Variants in WDHD1 observed in about 807,000 individuals in gnomAD.
The protein encoded by WDHD1 is WD repeat and HMG-box DNA binding protein 1.
In WDHD1, 111 loss-of-function variants were observed where a neutral mutation model predicts 135.4. That is an observed-to-expected ratio of 0.82 (90% CI 0.70 to 0.96). WDHD1 has a LOEUF of 0.96. WDHD1 is among the 40% of genes least tolerant of loss of function. WDHD1 has a pLI of 0.00. For synonymous variants in WDHD1, 434 were observed against 439.0 expected (o/e 0.99, Z 0.14); for missense variants, 1,351 against 1,336.3 (o/e 1.01, Z -0.17).
intron 2 of WDHD1, among the ~76,000 whole-genome samples, chr14:55,015,520 G>C (rs1182066826): frequency 2.0e-5 from 3 of 151,216 alleles, no homozygotes; most frequent in African/African-American, 7.3e-5. Context: ...CTAGTGATAA[G>C]CTATCTCCCC....
chr14:54,963,847 C>T (rs147833131), intron 18 of WDHD1, among the ~76,000 whole-genome samples: 4,246 of 150,536 alleles, frequency 0.028, 74 homozygotes, highest in South Asian at 0.04. Context: ...TGTGCTGGCT[C>T]ACACCTGTAA....
chr14:54,987,014 T>C (rs2041704476), intron 14 of WDHD1, 132 bp downstream of exon 14: 2 of 1,073,612 alleles, frequency 1.9e-6, no homozygotes, highest in Admixed American at 5.4e-5. Flanking sequence ...ACAACAAAAT[T>C]ATCTACATTT....
chr14:54,973,554 T>C (rs976670286), intron 16 of WDHD1, among the ~76,000 whole-genome samples: 1 of 152,184 alleles, frequency 6.6e-6, no homozygotes, highest in African/African-American at 2.4e-5. Context: ...CAGTATGAGG[T>C]GGCAGTGTGA....
At chr14:55,018,731 C>A (rs539227688) in intron 2 of WDHD1, among the ~76,000 whole-genome samples, 1 of 152,174 alleles carries the variant, frequency 6.6e-6, no homozygotes, top group Non-Finnish European at 1.5e-5. Context: ...TGCCAAGTAC[C>A]TTAGAACCTA....
chr14:55,005,669 A>G (rs2042054349), intron 7 of WDHD1: 1 of 550,088 alleles, frequency 1.8e-6, no homozygotes, highest in South Asian at 1.6e-5. Context: ...CATTTGCAGG[A>G]CATAGAGGTT....
At chr14:55,009,943 C>T (rs1040643323) in intron 4 of WDHD1, among the ~76,000 whole-genome samples, 1 of 151,996 alleles carries the variant, frequency 6.6e-6, no homozygotes, top group African/African-American at 2.4e-5. Flanking sequence ...GCCTCAGCTT[C>T]CCGAGTAGCT....
chr14:54,969,413 A>AC (rs1208193128), intron 16 of WDHD1, among the ~76,000 whole-genome samples: 2 of 152,090 alleles, frequency 1.3e-5, no homozygotes, highest in African/African-American at 4.8e-5. Flanking sequence ...ACCAAAACTG[A>AC]CAAGTGGGAC....
chr14:54,952,343 C>T (rs1046831211), intron 24 of WDHD1, among the ~76,000 whole-genome samples: 2 of 152,124 alleles, frequency 1.3e-5, no homozygotes, highest in African/African-American at 4.8e-5. Context: ...TCTTATACAC[C>T]AATAACAGAC....
Position 54,984,828 on chromosome 14 carries a change from C to T in WDHD1, c.1801G>A (p.Val601Ile), listed in dbSNP as rs200568830. The change falls in exon 15 of 26, where the codon GTT (valine) becomes ATT (isoleucine). Residue 601 changes from valine (V) to isoleucine (I), a missense_variant. By Grantham distance (29) the Val-to-Ile change is conservative. Around this residue, in one of 2 missense-constraint regions of WDHD1, gnomAD observed 1,330 missense variants for 1,296.1 expected, o/e 1.03. Transcript: ENST00000360586. ...TGFDGDQCLG[V>I]QLLELGKKKK... ...TTTTTCCCCAGCTCTAGCAGTTGAA[C>T]TCCAAGGCACTGATCCCCATCAAAT... 1.9e-6 allele frequency: 3 copies of T among 1,613,198 alleles called. No homozygotes were observed. The highest frequency in any genetic ancestry group is 4.5e-5 in the East Asian group (2 of 44,822).
chr14:54,950,949 C>A (rs866460633), intron 24 of WDHD1, among the ~76,000 whole-genome samples: 2 of 151,984 alleles, frequency 1.3e-5, no homozygotes, highest in African/African-American at 4.8e-5. Context: ...TTGAAACCAA[C>A]GAGAACAAAG....
chr14:55,026,870 G>C, intron 1 of WDHD1, 67 bp from the exon 2 acceptor site: 2 of 1,519,616 alleles, frequency 1.3e-6, no homozygotes, highest in Non-Finnish European at 9.1e-7. Flanking sequence ...CTAGGGATAG[G>C]AAGAGAGCTT....
At position 54,961,874 on chromosome 14, in the gene WDHD1, T is replaced by C. The variant is rs1251512450; in HGVS notation, c.2701+624A>G. ...TTTTTTGAGATGGAGTCTCACTCCA[T>C]TGCCCAGGCTGGAGTGCAATGGCAC... On this transcript the variant is annotated intron_variant, in intron 21 of 25. Transcript: ENST00000360586. Among the ~76,000 whole-genome samples the C allele has an allele frequency of 3.3e-5, 5 of 151,532 alleles. No individual in the cohort carries two copies. In the East Asian group the frequency reaches 5.8e-4, roughly 18 times the overall value.
At chr14:54,996,322 T>C (rs2041878034) in intron 10 of WDHD1, among the ~76,000 whole-genome samples, 2 of 152,146 alleles carry the variant, frequency 1.3e-5, no homozygotes, top group Admixed American at 1.3e-4. Flanking sequence ...AAATTCTACA[T>C]AAAGCCCCAG....
chr14:54,971,638 G>T (rs1297886193), intron 16 of WDHD1, among the ~76,000 whole-genome samples: 1 of 147,410 alleles, frequency 6.8e-6, no homozygotes, highest in African/African-American at 2.5e-5. Context: ...AGCCCAGAAA[G>T]TCGAGGCTGC....
chr14:54,975,352 AT>A (rs796651921), intron 16 of WDHD1, among the ~76,000 whole-genome samples: 127 of 145,926 alleles, frequency 8.7e-4, no homozygotes, highest in South Asian at 1.1e-3. Flanking sequence ...CATATTCATA[AT>A]TTTTTTTTTT....
At chr14:55,010,561 A>T (rs1017663056) in intron 3 of WDHD1, 101 bp from the exon 4 acceptor site, 11 of 1,032,624 alleles carry the variant, frequency 1.1e-5, no homozygotes, top group African/African-American at 1.7e-5. Context: ...AAACCTTAAA[A>T]ATCTAGTTCA....
At chr14:54,947,764 G>A (rs2140149122) in intron 24 of WDHD1, among the ~76,000 whole-genome samples, 1 of 151,720 alleles carries the variant, frequency 6.6e-6, no homozygotes, top group Admixed American at 6.6e-5. Context: ...GCAAACTTTT[G>A]TATTTTTAAT....
chr14:54,987,620 T>C (rs1364537193), intron 13 of WDHD1, among the ~76,000 whole-genome samples: 3 of 152,148 alleles, frequency 2.0e-5, no homozygotes, highest in East Asian at 3.8e-4. Flanking sequence ...TATTATTAAA[T>C]ACAAATTCTT....
intron 3 of WDHD1, among the ~76,000 whole-genome samples, chr14:55,011,347 T>C (rs1335352837): frequency 1.3e-5 from 2 of 151,838 alleles, no homozygotes; most frequent in Non-Finnish European, 2.9e-5. Context: ...CTAGCCAACA[T>C]GGTGAAACCC....
Sources: allele counts gnomAD v4.1 joint callset (sites outside exome capture counted in the v4.1 genomes callset), GRCh38; gene constraint gnomAD v4.1.1; regional missense constraint gnomAD v4.1.1; transcripts MANE v1.5; gene names NCBI Gene and HGNC (gene_info 2026-07-23, HGNC 2026-07-21).